CADPS: variants seen among roughly 807,000 people sequenced by gnomAD.
CADPS encodes the protein calcium-dependent secretion activator 1.
CADPS carries 57 observed loss-of-function variants against 167.3 expected under a neutral mutation model. The observed-to-expected ratio is 0.34, with a 90% CI of 0.28 to 0.42. The LOEUF is 0.42. Ranked by LOEUF, CADPS falls within the 20% of genes least tolerant of loss-of-function variation. The probability of loss-of-function intolerance (pLI) is 1.00; values close to 1 mark genes in which losing one functional copy is unlikely to be tolerated. For missense variants in CADPS, 1,414 were observed against 1,738.1 expected, an observed-to-expected ratio of 0.81 and a Z score of 3.32; for synonymous variants, 676 against 635.3, an observed-to-expected ratio of 1.06 and a Z score of -0.96.
intron 8 of CADPS, among the ~76,000 whole-genome samples, chr3:62,572,186 A>G (rs2081414157): frequency 6.6e-6 from 1 of 152,178 alleles, no homozygotes; most frequent in Non-Finnish European, 1.5e-5. Context: ...AGGGGCCCTT[A>G]AGAGTGGCTG....
intron 1 of CADPS, among the ~76,000 whole-genome samples, chr3:62,871,370 C>T (rs2153223710): frequency 6.6e-6 from 1 of 152,272 alleles, no homozygotes. Context: ...TAAGCATCCA[C>T]TTTGCCCATA....
intron 1 of CADPS, among the ~76,000 whole-genome samples, chr3:62,800,896 T>C (rs1021984464): frequency 6.6e-6 from 1 of 152,212 alleles, no homozygotes; most frequent in African/African-American, 2.4e-5. Flanking sequence ...GCCCCCAGTT[T>C]AATTTTCCTT....
At chr3:62,413,442 T>C (rs1299871343) in intron 28 of CADPS, among the ~76,000 whole-genome samples, 1 of 152,142 alleles carries the variant, frequency 6.6e-6, no homozygotes, top group East Asian at 1.9e-4. Flanking sequence ...TTATTCAGCC[T>C]TAAAAAGGAA....
At chr3:62,795,419 G>A (rs117785210) in intron 1 of CADPS, among the ~76,000 whole-genome samples, 3,405 of 151,874 alleles carry the variant, frequency 0.022, 57 homozygotes, top group South Asian at 0.053. Flanking sequence ...TTTCTTGTTC[G>A]TCACTGCACA....
chr3:62,656,504 T>A (rs1402625908), intron 4 of CADPS, among the ~76,000 whole-genome samples: 1 of 152,190 alleles, frequency 6.6e-6, no homozygotes, highest in East Asian at 1.9e-4. Context: ...AAGGCAGAAC[T>A]ATCTGGCTCC....
chr3:62,822,724 C>T (rs1051417694), intron 1 of CADPS, among the ~76,000 whole-genome samples: 11 of 152,062 alleles, frequency 7.2e-5, no homozygotes, highest in African/African-American at 2.2e-4. Flanking sequence ...TGCCTGTAAT[C>T]CCTGCTACTG....
At chr3:62,441,159 C>T (rs2056240573) in intron 27 of CADPS, 2 of 152,216 alleles carry the variant, frequency 1.3e-5, no homozygotes, top group African/African-American at 4.8e-5. Flanking sequence ...ATTGTGCTAC[C>T]CGCACACACT....
At chr3:62,649,440 T>C (rs938769358) in intron 5 of CADPS, among the ~76,000 whole-genome samples, 2 of 152,018 alleles carry the variant, frequency 1.3e-5, no homozygotes, top group African/African-American at 4.8e-5. Flanking sequence ...AGATTTCTTA[T>C]GCCCTTTTTC....
At chr3:62,561,718 C>T (rs966474689) in intron 9 of CADPS, among the ~76,000 whole-genome samples, 2 of 152,092 alleles carry the variant, frequency 1.3e-5, no homozygotes, top group Non-Finnish European at 2.9e-5. Context: ...TTTCTGTCCC[C>T]AACTCTCCTC....
At chr3:62,750,328 G>C (rs1416923767) in intron 3 of CADPS, among the ~76,000 whole-genome samples, 1 of 114,538 alleles carries the variant, frequency 8.7e-6, no homozygotes, top group Non-Finnish European at 1.6e-5. Flanking sequence ...TCTACCCTGA[G>C]TGACAGAGTG....
At chr3:62,500,655 C>A (rs11130881) in intron 17 of CADPS, 110,979 of 151,830 alleles carry the variant, frequency 0.73, 40,977 homozygotes, top group Middle Eastern at 0.85. Context: ...GGCAAAATTT[C>A]TTTTCATCTC....
chr3:62,724,538 C>CA (rs372530979), intron 3 of CADPS, among the ~76,000 whole-genome samples: 18 of 151,780 alleles, frequency 1.2e-4, no homozygotes, highest in South Asian at 4.2e-4. Context: ...ATTTTAGTGC[C>CA]AAAAAAAAGT....
intron 3 of CADPS, among the ~76,000 whole-genome samples, chr3:62,689,359 T>G (rs1385801695): frequency 6.6e-6 from 1 of 152,092 alleles, no homozygotes; most frequent in Non-Finnish European, 1.5e-5. Flanking sequence ...AAAATTGTAA[T>G]GTAAACATAA....
chr3:62,854,299 C>A (rs369323661), intron 1 of CADPS, among the ~76,000 whole-genome samples: 1 of 152,186 alleles, frequency 6.6e-6, no homozygotes, highest in African/African-American at 2.4e-5. Flanking sequence ...GCATTCCTTT[C>A]GTAGTTTTGC....
chr3:62,738,416 A>G (rs1275110860), intron 3 of CADPS, among the ~76,000 whole-genome samples: 1 of 139,290 alleles, frequency 7.2e-6, no homozygotes, highest in African/African-American at 2.8e-5. Flanking sequence ...AACAACAAAA[A>G]TACTTACACA....
intron 6 of CADPS, among the ~76,000 whole-genome samples, chr3:62,605,760 C>A (rs978884434): frequency 6.6e-6 from 1 of 152,182 alleles, no homozygotes; most frequent in African/African-American, 2.4e-5. Context: ...TACGTCCTAG[C>A]CTGATTCTCA....
At chr3:62,557,053 C>G (rs2078288620) in intron 10 of CADPS, among the ~76,000 whole-genome samples, 1 of 144,898 alleles carries the variant, frequency 6.9e-6, no homozygotes, top group African/African-American at 2.6e-5. Flanking sequence ...ACACACACTC[C>G]TTGGTGTACA....
chr3:62,875,102 C>T lies in CADPS; in HGVS notation c.-73G>A, dbSNP rs1027237866. 5 of 1,441,848 alleles carry T rather than the reference C, an allele frequency of 3.5e-6. No individual in the cohort carries two copies. In the African/African-American group the frequency reaches 4.5e-5, roughly 13 times the overall value. The allele number at this position is 1,441,848 out of a possible 1,614,324, so 89.3% of individuals were successfully genotyped here. On this transcript the variant is annotated 5_prime_UTR_variant, in exon 1 of 30. Transcript: ENST00000383710. ...AAAAGGTGGGGGGCGCTGGAGGCAG[C>T]CGGGGATCAGCTCTCCCGGGTGGGC...
intron 16 of CADPS, among the ~76,000 whole-genome samples, chr3:62,513,889 C>T (rs1398990478): frequency 2.0e-5 from 3 of 151,924 alleles, no homozygotes; most frequent in Non-Finnish European, 4.4e-5. Flanking sequence ...AACCATTCAG[C>T]ATGCCGTGAG....
Sources: allele counts gnomAD v4.1 joint callset (sites outside exome capture counted in the v4.1 genomes callset), GRCh38; gene constraint gnomAD v4.1.1; transcripts MANE v1.5; gene names NCBI Gene and HGNC (gene_info 2026-07-23, HGNC 2026-07-21).